GNL3L: variants seen among roughly 807,000 people sequenced by gnomAD.
GNL3L encodes guanine nucleotide-binding protein-like 3-like protein.
In GNL3L, 4 loss-of-function variants were observed where a neutral mutation model predicts 42.9. That is an observed-to-expected ratio of 0.09 (90% CI 0.05 to 0.21). The LOEUF (loss-of-function observed/expected upper bound fraction) is 0.21, where lower values mean the gene tolerates loss of function less well. Among genes scored for constraint, GNL3L ranks in the 10% least tolerant of loss-of-function variants. The pLI is 1.00. For synonymous variants in GNL3L, 159 were observed against 176.3 expected, an observed-to-expected ratio of 0.90 and a Z score of 0.78; for missense variants, 412 against 481.7, an observed-to-expected ratio of 0.86 and a Z score of 1.36.
intron 16 of GNL3L, among the ~76,000 whole-genome samples, chrX:54,606,944 C>T (rs1306986770): frequency 9.1e-6 from 1 of 110,011 alleles, no homozygotes; most frequent in Non-Finnish European, 1.9e-5. Context: ...CCTGACTGTT[C>T]TATATATCTT....
intron 16 of GNL3L, among the ~76,000 whole-genome samples, chrX:54,591,511 T>C (rs1207052891): frequency 9.3e-6 from 1 of 107,680 alleles, no homozygotes; most frequent in Non-Finnish European, 1.9e-5. Flanking sequence ...GAGAATCGCT[T>C]GGACCCGGGA....
At chrX:54,638,528 G>A in the GNL3L span, among the ~76,000 whole-genome samples, 1 of 111,132 alleles carries the variant, frequency 9.0e-6, no homozygotes, top group Non-Finnish European at 1.9e-5. Context: ...GGAGTGCAGT[G>A]GCGCAATCTC....
chrX:54,551,970 G>A lies in GNL3L; in HGVS notation c.1177G>A (p.Val393Met). ...GGCCAAAGCTGTCCTAGCTGACTGG[G>A]TGAGGTGAGGAGGGGGTTAGGGGTA... The part of the protein sequence containing the change: ...QAAKAVLADW[V>M]SGKISFYIPP... Residue 393 changes from valine to methionine, a missense_variant, in exon 12 of 16, where the codon GTG becomes ATG. Coordinates refer to ENST00000360845, the MANE Select transcript of GNL3L (RefSeq NM_001184819.2). The A allele has an allele frequency of 1.7e-6, 2 of 1,210,688 alleles. No individual in the cohort carries two copies. The highest frequency in any genetic ancestry group is 1.8e-5 in the South Asian group (1 of 56,879).
rs1925229576 is a variant in GNL3L at position 54,560,515 on chromosome X, T to C, written c.1667-5T>C. On this transcript the variant is annotated splice_polypyrimidine_tract_variant and splice_region_variant and intron_variant, in intron 15 of 15. Coordinates refer to ENST00000360845, the MANE Select transcript of GNL3L (RefSeq NM_001184819.2). ...AAAAGATTGCCTGTATTTCTCCATT[T>C]GCAGATAAAATCGCCAGCAAGCTGT... 4 of 1,122,270 alleles carry C rather than the reference T, an allele frequency of 3.6e-6. No individual in the cohort carries two copies. In the South Asian group the frequency reaches 7.3e-5, roughly 20 times the overall value. The allele number at this position is 1,122,270 out of a possible 1,213,427, so 92.5% of individuals were successfully genotyped here. A position where few individuals can be genotyped will look rare whatever the true frequency, so the allele number is the denominator to read the frequency against.
chrX:54,534,890 T>C (rs1262292722), intron 2 of GNL3L, among the ~76,000 whole-genome samples: 1 of 110,939 alleles, frequency 9.0e-6, no homozygotes, highest in African/African-American at 3.3e-5. Flanking sequence ...TTGCAGGCAC[T>C]CAGTTTCCAG....
chrX:54,615,577 T>A (rs1926211803), intron 16 of GNL3L, among the ~76,000 whole-genome samples: 1 of 111,842 alleles, frequency 8.9e-6, no homozygotes, highest in Non-Finnish European at 1.9e-5. Flanking sequence ...GTTAATGGAG[T>A]TAACTGGAGA....
chrX:54,539,208 T>C, intron 3 of GNL3L, 107 bp downstream of exon 3: 1 of 404,710 alleles, frequency 2.5e-6, no homozygotes, highest in Non-Finnish European at 4.1e-6. Flanking sequence ...GAGTGCCACA[T>C]TGGAGTCAGT....
In GNL3L at chrX:54,540,183, C is replaced by G; in HGVS notation, c.130C>G (p.Pro44Ala). ...AGCAACCTCCAAAGTGCCCTCTGCA[C>G]CTCATTTTGTTCACCCCAATGATCA... ...KKATSKVPSAPHFVHPNDHAN... is the reference protein window; with the variant it reads ...KKATSKVPSAAHFVHPNDHAN... Residue 44 changes from proline (P) to alanine (A), a missense_variant, in exon 4 of 16, where the codon CCT becomes GCT. Physicochemically the swap from Pro to Ala is conservative, Grantham distance 27. Transcript: ENST00000360845. 8.3e-7 allele frequency: 1 copy of G among 1,208,904 alleles called. No individual in the cohort carries two copies.
chrX:54,618,576 C>G (rs1232836867), intron 16 of GNL3L, among the ~76,000 whole-genome samples: 1 of 110,975 alleles, frequency 9.0e-6, no homozygotes, highest in African/African-American at 3.3e-5. Context: ...GGATAAAGAA[C>G]ACAAATAGAC....
chrX:54,630,662 T>TTCCTTCCTTCCTTCCTTCCTTCC, the GNL3L span, among the ~76,000 whole-genome samples: 321 of 53,358 alleles, frequency 6.0e-3, 10 homozygotes, highest in East Asian at 0.023. Context: ...TTTCTCCTTC[T>TTCCTTCCTTCCTTCCTTCCTTCC]TTCCTTCCTT....
intron 16 of GNL3L, among the ~76,000 whole-genome samples, chrX:54,617,599 A>G (rs1356957814): frequency 2.7e-5 from 3 of 111,923 alleles, no homozygotes; most frequent in Non-Finnish European, 5.6e-5. Flanking sequence ...CCTTCCCGCA[A>G]ATTCATATGT....
At chrX:54,536,819 A>G (rs889759682) in intron 2 of GNL3L, among the ~76,000 whole-genome samples, 2 of 89,741 alleles carry the variant, frequency 2.2e-5, no homozygotes, top group Admixed American at 1.3e-4. Flanking sequence ...AGAGGGAGGG[A>G]GGGAGGGAGA....
At chrX:54,630,761 C>CCTTT in the GNL3L span, among the ~76,000 whole-genome samples, 1 of 67,299 alleles carries the variant, frequency 1.5e-5, no homozygotes. Flanking sequence ...CCTTTCTTTC[C>CCTTT]CTTTCTTTCT....
At chrX:54,613,464 C>T (rs1016187601) in intron 16 of GNL3L, among the ~76,000 whole-genome samples, 2 of 111,017 alleles carry the variant, frequency 1.8e-5, no homozygotes, top group African/African-American at 3.3e-5. Flanking sequence ...GGTTTGGATC[C>T]ATTGCTGGTG....
Position 54,562,809 on chromosome X carries a change from A to T in GNL3L, c.*2207A>T, listed in dbSNP as rs1346647536. Among the ~76,000 whole-genome samples the T allele has an allele frequency of 2.8e-5, 3 of 108,178 alleles. No individual in the cohort carries two copies. Among genetic ancestry groups the T allele is most frequent in the African/African-American group, 6.7e-5 (2 of 29,699 alleles). 93.9% of individuals were successfully genotyped at this position (108,178 alleles called of 115,157 possible). A position where few individuals can be genotyped will look rare whatever the true frequency, so the allele number is the denominator to read the frequency against. ...CTTCGTCTCGGAAAAAAAAAAAAAA[A>T]GTTGACAGGATGGCCAGACCCAAGT... On this transcript the variant is annotated 3_prime_UTR_variant, in exon 16 of 16. Coordinates refer to ENST00000360845, the MANE Select transcript of GNL3L (RefSeq NM_001184819.2).
chrX:54,588,715 C>T (rs1174263317), intron 16 of GNL3L, among the ~76,000 whole-genome samples: 2 of 111,377 alleles, frequency 1.8e-5, no homozygotes, highest in Admixed American at 9.6e-5. Context: ...ATCCTAGCTA[C>T]TTAGGAGGCT....
At chrX:54,618,748 A>C (rs1192341255) in intron 16 of GNL3L, among the ~76,000 whole-genome samples, 2 of 110,929 alleles carry the variant, frequency 1.8e-5, no homozygotes, top group Admixed American at 1.9e-4. Flanking sequence ...ATTTAAAAAA[A>C]TTGCCAAACA....
intron 16 of GNL3L, among the ~76,000 whole-genome samples, chrX:54,616,419 C>T (rs184188817): frequency 1.0e-3 from 117 of 111,854 alleles, no homozygotes; most frequent in Middle Eastern, 9.2e-3. Flanking sequence ...CATGGTTTTT[C>T]CATTTCTTGT....
At chrX:54,559,724 C>T (rs1168672124) in intron 15 of GNL3L, among the ~76,000 whole-genome samples, 1 of 111,747 alleles carries the variant, frequency 8.9e-6, no homozygotes, top group Non-Finnish European at 1.9e-5. Context: ...TTAAGTGACA[C>T]GCTAAAGGTA....
Sources: gnomAD v4.1 joint callset for allele counts (sites outside exome capture counted in the v4.1 genomes callset) on GRCh38, gnomAD v4.1.1 for gene constraint, MANE v1.5 for transcripts, NCBI Gene and HGNC (gene_info 2026-07-23, HGNC 2026-07-21) for gene names.